Variants in ACOT1 observed in about 807,000 individuals in gnomAD.
ACOT1 encodes the protein acyl-CoA thioesterase 1.
Under a neutral mutation model 15.7 loss-of-function variants are expected in ACOT1, and 8 were observed. The ratio of observed to expected loss-of-function variants is 0.51; its 90% CI spans 0.30 to 0.92. The LOEUF (loss-of-function observed/expected upper bound fraction) is 0.92. ACOT1 is among the 40% of genes least tolerant of loss of function. ACOT1 has a pLI of 0.06. For missense variants in ACOT1, 151 were observed against 539.4 expected, an observed-to-expected ratio of 0.28 and a Z score of 7.13; for synonymous variants, 67 against 241.2, an observed-to-expected ratio of 0.28 and a Z score of 6.69.
the ACOT1 span, chr14:73,522,357 C>T: frequency 1.9e-6 from 3 of 1,614,148 alleles, no homozygotes; most frequent in African/African-American, 4.0e-5. Flanking sequence ...TCTGCTGTCT[C>T]TTCTGCCTCC....
the ACOT1 span, among the ~76,000 whole-genome samples, chr14:73,524,870 T>G: frequency 3.3e-5 from 5 of 152,034 alleles, no homozygotes; most frequent in African/African-American, 9.7e-5. Context: ...AAGGTGCCCA[T>G]GCAGACCAGA....
the ACOT1 span, among the ~76,000 whole-genome samples, chr14:73,502,502 G>A: frequency 3.3e-5 from 5 of 151,848 alleles, no homozygotes; most frequent in African/African-American, 7.3e-5. Flanking sequence ...TCCAGGGTCC[G>A]TACAGAGGAG....
chr14:73,510,620 G>A, the ACOT1 span, among the ~76,000 whole-genome samples: 2 of 152,038 alleles, frequency 1.3e-5, no homozygotes, highest in African/African-American at 4.8e-5. Flanking sequence ...ATTTTTGGTA[G>A]AGATGAGGTT....
upstream of ACOT1, among the ~76,000 whole-genome samples, chr14:73,535,855 C>T (rs527723358): frequency 1.7e-5 from 2 of 115,960 alleles, 1 homozygote; most frequent in Admixed American, 1.9e-4. Context: ...GCCACCTCAG[C>T]CTCCAAGTAA....
the ACOT1 span, among the ~76,000 whole-genome samples, chr14:73,510,286 T>G: frequency 1.3e-5 from 2 of 152,128 alleles, no homozygotes; most frequent in Admixed American, 1.3e-4. Context: ...TAGAGCTCAC[T>G]AGGGAGTCTT....
At chr14:73,491,711 C>T in the ACOT1 span, 1 of 1,550,434 alleles carries the variant, frequency 6.4e-7, no homozygotes, top group Non-Finnish European at 8.7e-7. Flanking sequence ...GCTGGTGCGG[C>T]GGCAGGACCA....
upstream of ACOT1, among the ~76,000 whole-genome samples, chr14:73,536,304 G>GAA (rs555784262): frequency 4.4e-3 from 441 of 99,612 alleles, 12 homozygotes; most frequent in African/African-American, 0.013. Flanking sequence ...TAAGTTTGAT[G>GAA]AAAAAAAAAA....
At chr14:73,542,549 C>T (rs560563974) in intron 2 of ACOT1, among the ~76,000 whole-genome samples, 6 of 105,734 alleles carry the variant, frequency 5.7e-5, no homozygotes, top group Non-Finnish European at 1.2e-4. Context: ...GGACTACAGG[C>T]GCATGCCACT....
chr14:73,517,956 C>T, the ACOT1 span, among the ~76,000 whole-genome samples: 35 of 151,932 alleles, frequency 2.3e-4, no homozygotes, highest in East Asian at 2.3e-3. Flanking sequence ...TGTGGTGGCG[C>T]GCACCTGTAG....
At chr14:73,506,804 G>GTTTTTTTTTTGTTTGTT in the ACOT1 span, among the ~76,000 whole-genome samples, 8 of 80,492 alleles carry the variant, frequency 9.9e-5, no homozygotes, top group South Asian at 3.1e-3. Context: ...GACTTTAACT[G>GTTTTTTTTTTGTTTGTT]TTTTTTTTTT....
At chr14:73,506,121 C>T in the ACOT1 span, among the ~76,000 whole-genome samples, 21,947 of 151,222 alleles carry the variant, frequency 0.15, 2,289 homozygotes, top group Non-Finnish European at 0.22. Flanking sequence ...CAACTCCTGA[C>T]CTCGTGATCC....
At chr14:73,509,565 A>C in the ACOT1 span, 1 of 1,305,498 alleles carries the variant, frequency 7.7e-7, no homozygotes, top group Non-Finnish European at 1.1e-6. Context: ...GGCCAACCTC[A>C]GTCCCAGCTG....
the ACOT1 span, chr14:73,522,194 G>A: frequency 7.0e-7 from 1 of 1,434,956 alleles, no homozygotes; most frequent in Non-Finnish European, 9.5e-7. Flanking sequence ...CTGAAATCGG[G>A]AGTGTGAGTC....
chr14:73,526,955 G>A, the ACOT1 span, among the ~76,000 whole-genome samples: 1 of 152,160 alleles, frequency 6.6e-6, no homozygotes, highest in African/African-American at 2.4e-5. Flanking sequence ...ATTCCTGACT[G>A]GGGGAAAGAG....
At chr14:73,518,434 G>A in the ACOT1 span, among the ~76,000 whole-genome samples, 8 of 152,102 alleles carry the variant, frequency 5.3e-5, no homozygotes, top group Non-Finnish European at 1.2e-4. Context: ...AAAGGAATGG[G>A]TGACAACTGC....
At chr14:73,500,602 AC>A in the ACOT1 span, 2 of 1,613,880 alleles carry the variant, frequency 1.2e-6, no homozygotes, top group Non-Finnish European at 1.7e-6. Flanking sequence ...TGCCCGCCGA[AC>A]TGCTGTGAAG....
chr14:73,491,148 G>T, the ACOT1 span: 1 of 1,607,876 alleles, frequency 6.2e-7, no homozygotes, highest in Non-Finnish European at 8.5e-7. Flanking sequence ...AAGCAGCTGC[G>T]AAGTGTTGTA....
the ACOT1 span, among the ~76,000 whole-genome samples, chr14:73,509,868 ATT>A: frequency 6.3e-4 from 45 of 71,386 alleles, 2 homozygotes; most frequent in Non-Finnish European, 8.1e-4. Flanking sequence ...ATATATATAT[ATT>A]TATTTATTTT....
chr14:73,503,042 A>C, the ACOT1 span: 27 of 1,490,442 alleles, frequency 1.8e-5, no homozygotes, highest in East Asian at 5.9e-4. Flanking sequence ...ATTAGGTATC[A>C]TCACTTAATG....
Sources: allele counts gnomAD v4.1 joint callset (sites outside exome capture counted in the v4.1 genomes callset), GRCh38; gene constraint gnomAD v4.1.1; transcripts MANE v1.5; gene names NCBI Gene and HGNC (gene_info 2026-07-23, HGNC 2026-07-21).